Variants in MECOM observed in about 807,000 individuals in gnomAD.
MECOM encodes the protein MDS1 and EVI1 complex locus.
A neutral mutation model predicts 116.3 loss-of-function variants in MECOM; 13 were observed. That is an observed-to-expected ratio of 0.11 (90% CI 0.07 to 0.18). The LOEUF is 0.18. Ranked by LOEUF, MECOM falls within the 10% of genes least tolerant of loss-of-function variation. MECOM has a pLI of 1.00. For missense variants in MECOM, 1,299 were observed against 1,509.0 expected, an observed-to-expected ratio of 0.86 and a Z score of 2.31; for synonymous variants, 528 against 535.2, an observed-to-expected ratio of 0.99 and a Z score of 0.19.
At chr3:169,132,007 G>T (rs373057733) in intron 3 of MECOM, 1 of 985,912 alleles carries the variant, frequency 1.0e-6, no homozygotes. Context: ...AAGGTAATAG[G>T]TTGAAAGGAC....
chr3:169,280,046 A>G (rs1455980617), intron 2 of MECOM, among the ~76,000 whole-genome samples: 1 of 152,228 alleles, frequency 6.6e-6, no homozygotes, highest in Non-Finnish European at 1.5e-5. Flanking sequence ...GGAGAGAAAT[A>G]CAAATGGGCC....
At position 169,185,586 on chromosome 3, in the gene MECOM, A is replaced by AT. The variant is rs1746598072; in HGVS notation, c.376-41755dup. ...AATGCAATAAGGTAGTGTCCTGCAG[A>AT]TATGGTACTTATCTTTAAAAGTCTT... On this transcript the variant is annotated intron_variant, in intron 2 of 16. Transcript: ENST00000651503. Among the ~76,000 whole-genome samples the AT allele has an allele frequency of 4.6e-5, 7 of 152,304 alleles. No individual in the cohort carries two copies. The South Asian group carries it at 1.2e-3, about 27-fold the overall frequency.
At chr3:169,230,700 G>C (rs987824112) in intron 2 of MECOM, among the ~76,000 whole-genome samples, 23 of 152,062 alleles carry the variant, frequency 1.5e-4, no homozygotes, top group African/African-American at 5.6e-4. Context: ...CAGAAAAGAG[G>C]CTTCTACCTT....
At chr3:169,209,666 G>A (rs1046139747) in intron 2 of MECOM, among the ~76,000 whole-genome samples, 10 of 152,042 alleles carry the variant, frequency 6.6e-5, no homozygotes, top group South Asian at 2.1e-4. Flanking sequence ...ATTGTCTCCC[G>A]CCAGTCAGAA....
At chr3:169,485,996 T>C (rs1251145242) in intron 1 of MECOM, among the ~76,000 whole-genome samples, 5 of 77,902 alleles carry the variant, frequency 6.4e-5, no homozygotes, top group East Asian at 3.3e-4. Flanking sequence ...TATATATATG[T>C]ATATATATAC....
chr3:169,096,278 T>G (rs1052622199), intron 12 of MECOM, among the ~76,000 whole-genome samples: 9 of 151,864 alleles, frequency 5.9e-5, no homozygotes, highest in Non-Finnish European at 8.8e-5. Context: ...ACCTTTTTTT[T>G]TTTTGTTTTT....
chr3:169,475,044 G>A (rs1750124892), intron 1 of MECOM, among the ~76,000 whole-genome samples: 1 of 151,910 alleles, frequency 6.6e-6, no homozygotes, highest in Non-Finnish European at 1.5e-5. Context: ...AACTCCTACT[G>A]TATTCTCCTC....
intron 14 of MECOM, among the ~76,000 whole-genome samples, 167 bp downstream of exon 14, chr3:169,092,791 G>A (rs1298087137): frequency 6.6e-6 from 1 of 152,122 alleles, no homozygotes; most frequent in Non-Finnish European, 1.5e-5. Context: ...ATTAACACAT[G>A]TAAAATGCTT....
At chr3:169,512,863 C>T (rs1022189207) in intron 1 of MECOM, among the ~76,000 whole-genome samples, 2 of 152,132 alleles carry the variant, frequency 1.3e-5, no homozygotes, top group African/African-American at 4.8e-5. Context: ...AGGAGTCTGA[C>T]TTACTAGAAA....
At chr3:169,111,494 A>G (rs1727393024) in intron 9 of MECOM, among the ~76,000 whole-genome samples, 1 of 152,174 alleles carries the variant, frequency 6.6e-6, no homozygotes, top group African/African-American at 2.4e-5. Context: ...ATGAAACTTT[A>G]CAAGTACTAT....
In MECOM at chr3:169,321,331, G is replaced by A. The variant is rs537247188; in HGVS notation, c.375+59856C>T. 2.5e-4 allele frequency among the ~76,000 whole-genome samples: 38 copies of A among 152,242 alleles called. No homozygotes were observed. In the Middle Eastern group the frequency reaches 0.01, roughly 41 times the overall value. On this transcript the variant is annotated intron_variant, in intron 2 of 16. Coordinates refer to ENST00000651503, the MANE Select transcript of MECOM (RefSeq NM_004991.4). ...CCAAGGCAGGTGGATCACGAGGTCC[G>A]GAGATTGAGACCATCCTGGCTAACA...
At chr3:169,162,757 T>C (rs1743030770) in intron 2 of MECOM, among the ~76,000 whole-genome samples, 1 of 152,198 alleles carries the variant, frequency 6.6e-6, no homozygotes, top group South Asian at 2.1e-4. Flanking sequence ...TTCCGATGGA[T>C]TCCAATATAC....
chr3:169,400,655 G>C (rs1183929830), intron 1 of MECOM, among the ~76,000 whole-genome samples: 1 of 152,150 alleles, frequency 6.6e-6, no homozygotes, highest in Non-Finnish European at 1.5e-5. Flanking sequence ...AGGTGGGTCT[G>C]GAATGATCAA....
rs146136113 is a variant in MECOM, at chr3:169,653,706, T to C, written c.37+9630A>G. On this transcript the variant is annotated intron_variant, in intron 1 of 16. Coordinates refer to ENST00000651503, the MANE Select transcript of MECOM (RefSeq NM_004991.4). ...CAAGCCTGAAAAGTCAATAAAATAA[T>C]GTATTGAACTCTTATTCTATTTAAG... 1.8e-3 allele frequency among the ~76,000 whole-genome samples: 273 copies of C among 152,300 alleles called. 1 individual carries two copies. Among genetic ancestry groups the C allele is most frequent in the African/African-American group, 6.1e-3 (254 of 41,556 alleles).
intron 2 of MECOM, among the ~76,000 whole-genome samples, chr3:169,252,496 A>G (rs1756373492): frequency 6.6e-6 from 1 of 150,830 alleles, no homozygotes; most frequent in African/African-American, 2.4e-5. Flanking sequence ...GCATTCAAAT[A>G]TTTTATTTTA....
intron 1 of MECOM, among the ~76,000 whole-genome samples, chr3:169,507,864 G>C (rs1320930577): frequency 6.6e-6 from 1 of 150,434 alleles, no homozygotes; most frequent in African/African-American, 2.5e-5. Context: ...GTTTCACCGT[G>C]TTAGCCAGGA....
intron 2 of MECOM, among the ~76,000 whole-genome samples, chr3:169,285,150 C>T (rs1301171956): frequency 6.6e-6 from 1 of 152,142 alleles, no homozygotes; most frequent in Non-Finnish European, 1.5e-5. Context: ...ACCTAACTCC[C>T]CAGGGCCCTC....
At chr3:169,504,142 A>G (rs1754896406) in intron 1 of MECOM, among the ~76,000 whole-genome samples, 1 of 119,770 alleles carries the variant, frequency 8.3e-6, no homozygotes, top group Non-Finnish European at 1.8e-5. Flanking sequence ...AAAAAAAAGA[A>G]AAAGAGAAGT....
chr3:169,251,140 G>A (rs1480820122), intron 2 of MECOM, among the ~76,000 whole-genome samples: 1 of 152,192 alleles, frequency 6.6e-6, no homozygotes, highest in Non-Finnish European at 1.5e-5. Context: ...TAAGAAAAGA[G>A]TATCAAGAAA....
Sources: gnomAD v4.1 joint callset for allele counts (sites outside exome capture counted in the v4.1 genomes callset) on GRCh38, gnomAD v4.1.1 for gene constraint, MANE v1.5 for transcripts, NCBI Gene and HGNC (gene_info 2026-07-23, HGNC 2026-07-21) for gene names.